The following ME1 variants were observed in gnomAD, a reference collection of about 807,000 sequenced individuals.
The protein encoded by ME1 is malic enzyme 1, also known as NADP-dependent malic enzyme.
In ME1, 74 loss-of-function variants were observed where a neutral mutation model predicts 66.4. The observed-to-expected ratio is 1.11, with a 90% CI of 0.92 to 1.35. The LOEUF is 1.35. Among genes scored for constraint, ME1 ranks in the 40% most tolerant of loss-of-function variants. ME1 has a pLI of 0.00. For synonymous variants in ME1, 251 were observed against 235.6 expected (o/e 1.07, Z -0.60); for missense variants, 750 against 694.1 (o/e 1.08, Z -0.90).
At chr6:83,225,205 CAAAAAAAAAAAAAA>C (rs146673365) in intron 11 of ME1, among the ~76,000 whole-genome samples, 1 of 40,498 alleles carries the variant, frequency 2.5e-5, no homozygotes, top group South Asian at 1.0e-3. Context: ...GACTCCATCT[CAAAAAAAAAAAAAA>C]AAAAAAAAAA....
chr6:83,219,740 A>ATTTTTTTTTTTT, intron 12 of ME1, among the ~76,000 whole-genome samples: 1 of 133,210 alleles, frequency 7.5e-6, no homozygotes, highest in Non-Finnish European at 1.6e-5. Flanking sequence ...TGCCCAACTA[A>ATTTTTTTTTTTT]TTTTTTTTTT....
intron 9 of ME1, among the ~76,000 whole-genome samples, chr6:83,236,502 G>A (rs889633381): frequency 3.3e-5 from 5 of 152,056 alleles, no homozygotes; most frequent in African/African-American, 4.8e-5. Flanking sequence ...CATAGGAAGG[G>A]GATTTATATG....
At chr6:83,273,535 C>T (rs1201814953) in intron 6 of ME1, among the ~76,000 whole-genome samples, 1 of 152,114 alleles carries the variant, frequency 6.6e-6, no homozygotes, top group Non-Finnish European at 1.5e-5. Flanking sequence ...AAGTCTTATT[C>T]CATGAACTAA....
chr6:83,222,932 C>T (rs1280518673), intron 12 of ME1, among the ~76,000 whole-genome samples: 1 of 152,150 alleles, frequency 6.6e-6, no homozygotes, highest in Non-Finnish European at 1.5e-5. Context: ...GCTCACTTCT[C>T]CTATTCTTTT....
intron 2 of ME1, among the ~76,000 whole-genome samples, chr6:83,404,750 A>T (rs555203721): frequency 1.8e-4 from 28 of 152,244 alleles, no homozygotes; most frequent in Non-Finnish European, 3.4e-4. Flanking sequence ...CCAACACCAT[A>T]TATTAAATAG....
At chr6:83,248,755 T>C (rs1229932447) in intron 7 of ME1, among the ~76,000 whole-genome samples, 1 of 151,582 alleles carries the variant, frequency 6.6e-6, no homozygotes, top group East Asian at 2.1e-4. Context: ...TCTACGATGA[T>C]TGTAAGTTTC....
chr6:83,320,600 T>C (rs1376661497), intron 5 of ME1, among the ~76,000 whole-genome samples: 1 of 152,248 alleles, frequency 6.6e-6, no homozygotes, highest in East Asian at 1.9e-4. Flanking sequence ...AGTGCCAATG[T>C]GCTACTAATG....
chr6:83,298,127 G>T (rs1267604684), intron 6 of ME1, among the ~76,000 whole-genome samples: 1 of 152,064 alleles, frequency 6.6e-6, no homozygotes, highest in Non-Finnish European at 1.5e-5. Context: ...ATATCTTTGA[G>T]GAATCATCAC....
At chr6:83,376,747 G>T (rs916849610) in intron 3 of ME1, among the ~76,000 whole-genome samples, 5 of 142,306 alleles carry the variant, frequency 3.5e-5, no homozygotes, top group African/African-American at 1.3e-4. Context: ...AGGCTGCAGT[G>T]CCCTGAGAAT....
chr6:83,262,123 C>A (rs752726774), intron 6 of ME1, among the ~76,000 whole-genome samples: 10 of 151,348 alleles, frequency 6.6e-5, no homozygotes, highest in Non-Finnish European at 5.9e-5. Flanking sequence ...CCAAGTATAA[C>A]AATAATGTGA....
intron 12 of ME1, among the ~76,000 whole-genome samples, chr6:83,221,772 T>G (rs566180010): frequency 9.2e-5 from 14 of 151,894 alleles, no homozygotes; most frequent in Admixed American, 6.5e-4. Flanking sequence ...AAAAAACTGG[T>G]AACAAAAAAT....
chr6:83,309,671 T>C (rs1767894355), intron 6 of ME1, among the ~76,000 whole-genome samples: 1 of 152,062 alleles, frequency 6.6e-6, no homozygotes, highest in African/African-American at 2.4e-5. Flanking sequence ...GAGATAAAGA[T>C]TTGGGAGTCA....
intron 9 of ME1, among the ~76,000 whole-genome samples, chr6:83,235,003 C>A (rs143036574): frequency 1.6e-4 from 24 of 152,152 alleles, no homozygotes; most frequent in African/African-American, 4.8e-4. Flanking sequence ...TGAAAGGCAT[C>A]ATCTTTAGCT....
At chr6:83,330,919 C>T (rs531264356) in intron 5 of ME1, among the ~76,000 whole-genome samples, 17 of 152,180 alleles carry the variant, frequency 1.1e-4, no homozygotes, top group Admixed American at 7.8e-4. Context: ...TTCTTCTCTC[C>T]CCTGGCTTTA....
intron 5 of ME1, among the ~76,000 whole-genome samples, chr6:83,343,676 G>A (rs560401499): frequency 8.5e-5 from 13 of 152,296 alleles, no homozygotes; most frequent in Non-Finnish European, 1.6e-4. Context: ...GAAATTTCGT[G>A]AAGGATAGGT....
Position 83,210,622 on chromosome 6 carries a change from G to C in ME1, c.*1302C>G, listed in dbSNP as rs1414492424. 6.6e-6 allele frequency: 1 copy of C among 152,198 alleles called. No individual in the cohort carries two copies. The highest frequency in any genetic ancestry group is 1.5e-5 in the Non-Finnish European group (1 of 68,020). The allele number at this position is 152,198 out of a possible 1,614,324, so 9.4% of individuals were successfully genotyped here. On this transcript the variant is annotated 3_prime_UTR_variant, in exon 14 of 14. Coordinates refer to ENST00000369705, the MANE Select transcript of ME1 (RefSeq NM_002395.6). ...CTTCTGCTCATACCTAAAACAATTT[G>C]TGTAACCTTCAACTTTCAATAAAAT...
At chr6:83,389,560 T>C (rs1244859109) in intron 3 of ME1, among the ~76,000 whole-genome samples, 2 of 152,096 alleles carry the variant, frequency 1.3e-5, no homozygotes, top group African/African-American at 2.4e-5. Context: ...GGTATAATAA[T>C]ATGTAGCTAA....
At chr6:83,346,957 T>C (rs961528173) in intron 4 of ME1, among the ~76,000 whole-genome samples, 1 of 151,984 alleles carries the variant, frequency 6.6e-6, no homozygotes, top group Non-Finnish European at 1.5e-5. Flanking sequence ...TCTTTCTTTT[T>C]TTTCCCTTTT....
At chr6:83,278,996 C>T (rs1213493120) in intron 6 of ME1, among the ~76,000 whole-genome samples, 1 of 152,052 alleles carries the variant, frequency 6.6e-6, no homozygotes, top group East Asian at 1.9e-4. Flanking sequence ...GTAAACAACC[C>T]CTTCCCCCCC....
Sources: allele counts gnomAD v4.1 joint callset (sites outside exome capture counted in the v4.1 genomes callset), GRCh38; gene constraint gnomAD v4.1.1; transcripts MANE v1.5; gene names NCBI Gene and HGNC (gene_info 2026-07-23, HGNC 2026-07-21).